The following ADGRB3 variants were observed in gnomAD, a reference collection of about 807,000 sequenced individuals.
The protein encoded by ADGRB3 is adhesion G protein-coupled receptor B3, also known as brain-specific angiogenesis inhibitor 3.
A neutral mutation model predicts 193.4 loss-of-function variants in ADGRB3; 37 were observed. That is an observed-to-expected ratio of 0.19 (90% CI 0.15 to 0.25). The LOEUF (loss-of-function observed/expected upper bound fraction) is 0.25, where lower values mean the gene tolerates loss of function less well. Among genes scored for constraint, ADGRB3 ranks in the 10% least tolerant of loss-of-function variants. ADGRB3 has a pLI of 1.00. For synonymous variants in ADGRB3, 690 were observed against 644.2 expected (o/e 1.07, Z -1.08); for missense variants, 1,637 against 1,852.9 (o/e 0.88, Z 2.14).
At chr6:68,926,411 T>C (rs566438227) in intron 3 of ADGRB3, among the ~76,000 whole-genome samples, 1 of 152,208 alleles carries the variant, frequency 6.6e-6, no homozygotes, top group Non-Finnish European at 1.5e-5. Flanking sequence ...TTAGGCTTGG[T>C]GAGAGATTTA....
intron 15 of ADGRB3, among the ~76,000 whole-genome samples, chr6:69,060,220 T>TTTCTCTC (rs1771698405): frequency 1.5e-5 from 2 of 129,552 alleles, no homozygotes; most frequent in Non-Finnish European, 3.2e-5. Flanking sequence ...CTCTCTCTCT[T>TTTCTCTC]TCTCTCTCTC....
chr6:69,064,932 G>A (rs1020127691), intron 16 of ADGRB3, among the ~76,000 whole-genome samples: 1 of 152,082 alleles, frequency 6.6e-6, no homozygotes, highest in Non-Finnish European at 1.5e-5. Context: ...TTCTGGAAAT[G>A]TGTTTTGTCA....
At chr6:68,637,022 T>TA (rs1767976266) in intron 1 of ADGRB3, among the ~76,000 whole-genome samples, 1 of 152,074 alleles carries the variant, frequency 6.6e-6, no homozygotes, top group African/African-American at 2.4e-5. Flanking sequence ...TGTTTTTTTT[T>TA]AACCTTTAAA....
intron 17 of ADGRB3, among the ~76,000 whole-genome samples, chr6:69,188,456 C>T (rs765789757): frequency 1.3e-5 from 2 of 152,020 alleles, no homozygotes; most frequent in Non-Finnish European, 2.9e-5. Flanking sequence ...TTACAGGCAC[C>T]CTCCACCACG....
At chr6:69,104,454 G>T (rs921289248) in intron 17 of ADGRB3, among the ~76,000 whole-genome samples, 1 of 151,718 alleles carries the variant, frequency 6.6e-6, no homozygotes. Flanking sequence ...CATTTGGGTT[G>T]GTTCCAAGTC....
chr6:68,805,074 T>C (rs1014262509), intron 3 of ADGRB3, among the ~76,000 whole-genome samples: 1 of 152,008 alleles, frequency 6.6e-6, no homozygotes, highest in African/African-American at 2.4e-5. Context: ...ACAACAGACA[T>C]GCACCATCAT....
chr6:69,044,750 G>A (rs2150300483), intron 13 of ADGRB3, among the ~76,000 whole-genome samples: 1 of 152,298 alleles, frequency 6.6e-6, no homozygotes, highest in African/African-American at 2.4e-5. Flanking sequence ...ATCAAATCAA[G>A]TGTTGTAATG....
intron 3 of ADGRB3, among the ~76,000 whole-genome samples, chr6:68,845,362 C>A (rs7742022): frequency 0.41 from 62,258 of 151,904 alleles, 14,084 homozygotes; most frequent in African/African-American, 0.59. Context: ...CAGTGACAGC[C>A]CCAGAACCTG....
At chr6:68,715,455 T>A (rs1370149501) in intron 3 of ADGRB3, among the ~76,000 whole-genome samples, 2 of 151,718 alleles carry the variant, frequency 1.3e-5, no homozygotes, top group African/African-American at 4.8e-5. Context: ...CCCTTTTCAA[T>A]AAATGAGCAA....
At chr6:69,122,220 G>A (rs1042647132) in intron 17 of ADGRB3, among the ~76,000 whole-genome samples, 2 of 151,732 alleles carry the variant, frequency 1.3e-5, no homozygotes, top group Non-Finnish European at 2.9e-5. Flanking sequence ...AGGCTGAGAC[G>A]GGCAGACCAC....
chr6:68,638,428 A>G (rs1323163738), intron 2 of ADGRB3, among the ~76,000 whole-genome samples: 2 of 152,224 alleles, frequency 1.3e-5, no homozygotes, highest in Admixed American at 1.3e-4. Flanking sequence ...ATTAAATGTT[A>G]TTTTTAAATT....
chr6:68,859,357 C>G (rs1332752235), intron 3 of ADGRB3, among the ~76,000 whole-genome samples: 1 of 152,172 alleles, frequency 6.6e-6, no homozygotes, highest in Non-Finnish European at 1.5e-5. Flanking sequence ...CTGTTCCAAC[C>G]TCTGCCTGTT....
At chr6:68,743,197 A>G (rs747010749) in intron 3 of ADGRB3, among the ~76,000 whole-genome samples, 6 of 152,040 alleles carry the variant, frequency 3.9e-5, no homozygotes, top group Non-Finnish European at 4.4e-5. Context: ...TCACCTGAAT[A>G]TATCTGCCAA....
chr6:68,847,379 G>T (rs766688305), intron 3 of ADGRB3, among the ~76,000 whole-genome samples: 1 of 152,132 alleles, frequency 6.6e-6, no homozygotes, highest in South Asian at 2.1e-4. Flanking sequence ...GGGGCCAGGG[G>T]TGGAAATACA....
intron 31 of ADGRB3, among the ~76,000 whole-genome samples, chr6:69,383,956 C>T (rs1350083751): frequency 6.6e-6 from 1 of 151,964 alleles, no homozygotes; most frequent in Admixed American, 6.6e-5. Context: ...TGGTCACCTT[C>T]TTAATCTAGT....
At chr6:68,742,637 A>C (rs1766003139) in intron 3 of ADGRB3, among the ~76,000 whole-genome samples, 7 of 152,272 alleles carry the variant, frequency 4.6e-5, no homozygotes, top group Middle Eastern at 3.4e-3. Flanking sequence ...GTGAAGGTTA[A>C]GTTAGAATAA....
chr6:68,974,638 A>T, intron 8 of ADGRB3, 125 bp from the exon 9 acceptor site: 1 of 701,398 alleles, frequency 1.4e-6, no homozygotes, highest in Non-Finnish European at 2.3e-6. Flanking sequence ...CCATCTCTAA[A>T]AAAAAGAAAG....
At chr6:69,289,368 G>T (rs996026367) in intron 20 of ADGRB3, among the ~76,000 whole-genome samples, 1 of 152,112 alleles carries the variant, frequency 6.6e-6, no homozygotes, top group Non-Finnish European at 1.5e-5. Flanking sequence ...AAATGTGATT[G>T]TTTGGTTGTC....
At chr6:69,063,406 T>TGC (rs1405851206) in intron 16 of ADGRB3, among the ~76,000 whole-genome samples, 1 of 152,062 alleles carries the variant, frequency 6.6e-6, no homozygotes, top group Non-Finnish European at 1.5e-5. Context: ...TAAAAGCCTG[T>TGC]TAACTGTAGT....
Sources: gnomAD v4.1 joint callset for allele counts (sites outside exome capture counted in the v4.1 genomes callset) on GRCh38, gnomAD v4.1.1 for gene constraint, MANE v1.5 for transcripts, NCBI Gene and HGNC (gene_info 2026-07-23, HGNC 2026-07-21) for gene names.